Variants in MARCHF11 observed in about 807,000 individuals in gnomAD.
MARCHF11 encodes the protein membrane associated ring-CH-type finger 11, also known as E3 ubiquitin-protein ligase MARCHF11.
In MARCHF11, 29 loss-of-function variants were observed where a neutral mutation model predicts 37.3. The ratio of observed to expected loss-of-function variants is 0.78; its 90% CI spans 0.58 to 1.06. The LOEUF is 1.06. Ranked by LOEUF, MARCHF11 falls within the 50% of genes least tolerant of loss-of-function variation. The pLI is 0.00. For missense variants in MARCHF11, 482 were observed against 533.4 expected (o/e 0.90, Z 0.95); for synonymous variants, 233 against 228.0 (o/e 1.02, Z -0.20).
chr5:16,088,659 G>GA (rs557790301), intron 3 of MARCHF11, among the ~76,000 whole-genome samples: 14 of 152,026 alleles, frequency 9.2e-5, no homozygotes, highest in African/African-American at 2.7e-4. Context: ...ATTTACTGGG[G>GA]AAAAAAATTA....
chr5:16,113,732 A>C (rs1737185332), intron 2 of MARCHF11, among the ~76,000 whole-genome samples: 1 of 152,216 alleles, frequency 6.6e-6, no homozygotes, highest in Non-Finnish European at 1.5e-5. Context: ...TAATGAAGAA[A>C]TCATGATATT....
In MARCHF11 at chr5:16,129,676, C is replaced by G. The variant is rs540421666; in HGVS notation, c.694-38595G>C. 1.2e-4 allele frequency among the ~76,000 whole-genome samples: 18 copies of G among 152,202 alleles called. No homozygotes were observed. In the East Asian group the frequency reaches 3.1e-3, roughly 26 times the overall value. On this transcript the variant is annotated intron_variant, in intron 2 of 3. Coordinates refer to ENST00000332432, the MANE Select transcript of MARCHF11 (RefSeq NM_001102562.3). ...TTGAGTTTTAGCAACTCTAAAAAGG[C>G]TTTGTAAAAATTAACTGTAGGATGG...
In MARCHF11 at chr5:16,125,629, G is replaced by C. The variant is rs993841636; in HGVS notation, c.694-34548C>G. Among the ~76,000 whole-genome samples, 415 of 41,818 alleles carry C rather than the reference G, an allele frequency of 9.9e-3. 3 individuals are homozygous for C. The highest frequency in any genetic ancestry group is 0.053 in the African/African-American group (333 of 6,268). The allele number at this position is 41,818 out of a possible 152,430, so 27.4% of individuals were successfully genotyped here. A position where few individuals can be genotyped will look rare whatever the true frequency, so the allele number is the denominator to read the frequency against. ...ACCCTGGCACACTCTCTGTGTGTGTGTGTGTGTGTGTGTGTGTGTGTGTGT... is the reference window on the plus strand; with the variant it reads ...ACCCTGGCACACTCTCTGTGTGTGTCTGTGTGTGTGTGTGTGTGTGTGTGT... On this transcript the variant is annotated intron_variant, in intron 2 of 3. Coordinates refer to ENST00000332432, the MANE Select transcript of MARCHF11 (RefSeq NM_001102562.3).
chr5:16,136,209 CTAAA>C (rs1272549224), intron 2 of MARCHF11, among the ~76,000 whole-genome samples: 1 of 151,636 alleles, frequency 6.6e-6, no homozygotes, highest in Non-Finnish European at 1.5e-5. Context: ...ACAAATAGGA[CTAAA>C]TAAATAAACA....
At chr5:16,169,409 C>T (rs76771115) in intron 2 of MARCHF11, among the ~76,000 whole-genome samples, 5,608 of 152,092 alleles carry the variant, frequency 0.037, 149 homozygotes, top group Non-Finnish European at 0.055. Flanking sequence ...ATCCATTGTA[C>T]AGGTGTCATC....
At chr5:16,115,118 G>A (rs1427740684) in intron 2 of MARCHF11, among the ~76,000 whole-genome samples, 6 of 152,118 alleles carry the variant, frequency 3.9e-5, no homozygotes, top group Admixed American at 2.0e-4. Context: ...CATTTGTAAC[G>A]GAAGCTGAGG....
chr5:16,125,116 C>T lies in MARCHF11; in HGVS notation c.694-34035G>A, dbSNP rs1737380183. ...CAGACTCTTGGCAGTTGTGTGACAG[C>T]AAAGTGGTGTTTAAGCCATACATCG... On this transcript the variant is annotated intron_variant, in intron 2 of 3. Coordinates refer to ENST00000332432, the MANE Select transcript of MARCHF11 (RefSeq NM_001102562.3). Among the ~76,000 whole-genome samples, 2 of 151,386 alleles carry T rather than the reference C, an allele frequency of 1.3e-5. 1 individual carries two copies. Among genetic ancestry groups the T allele is most frequent in the South Asian group, 4.2e-4 (2 of 4,798 alleles).
intron 3 of MARCHF11, among the ~76,000 whole-genome samples, chr5:16,085,657 T>A (rs1394124426): frequency 6.6e-6 from 1 of 151,896 alleles, no homozygotes; most frequent in Non-Finnish European, 1.5e-5. Context: ...AAAATTTACA[T>A]AAGCTTATTA....
At chr5:16,089,301 T>C (rs1432075905) in intron 3 of MARCHF11, among the ~76,000 whole-genome samples, 1 of 152,162 alleles carries the variant, frequency 6.6e-6, no homozygotes, top group Non-Finnish European at 1.5e-5. Flanking sequence ...ATAAACACTG[T>C]CTTTGAATGT....
intron 3 of MARCHF11, among the ~76,000 whole-genome samples, chr5:16,072,491 G>GCTCT (rs557932082): frequency 7.0e-6 from 1 of 142,500 alleles, no homozygotes; most frequent in African/African-American, 2.7e-5. Flanking sequence ...AGACATCAGT[G>GCTCT]CTCTCTCTCT....
At chr5:16,171,286 C>T (rs543797309) in intron 2 of MARCHF11, among the ~76,000 whole-genome samples, 4 of 146,952 alleles carry the variant, frequency 2.7e-5, no homozygotes, top group South Asian at 2.2e-4. Context: ...AAGTTGCCAC[C>T]GTTTTCTAAA....
At chr5:16,152,831 T>C (rs1035778070) in intron 2 of MARCHF11, among the ~76,000 whole-genome samples, 1 of 152,050 alleles carries the variant, frequency 6.6e-6, no homozygotes, top group African/African-American at 2.4e-5. Context: ...TACTTATTAC[T>C]ATGATTAAGC....
rs114203145 is a variant in MARCHF11 at position 16,076,868 on chromosome 5, C to T, written c.887-9075G>A. Among the ~76,000 whole-genome samples the T allele has an allele frequency of 2.5e-3, 384 of 152,312 alleles. 4 individuals carry two copies. Among genetic ancestry groups the T allele is most frequent in the Admixed American group, 4.5e-3 (69 of 15,306 alleles). On this transcript the variant is annotated intron_variant, in intron 3 of 3. Transcript: ENST00000332432. Reference sequence around the variant, plus strand: ...GGCCAAAGCCAGTCATCACCGGTGTCTCCTCAGCCTGCGAAATGGCCAGTG... The same window carrying T: ...GGCCAAAGCCAGTCATCACCGGTGTTTCCTCAGCCTGCGAAATGGCCAGTG...
chr5:16,081,574 C>T (rs1282684046), intron 3 of MARCHF11, among the ~76,000 whole-genome samples: 1 of 152,186 alleles, frequency 6.6e-6, no homozygotes, highest in Non-Finnish European at 1.5e-5. Flanking sequence ...TCTATTTATA[C>T]CACTATCCCG....
At chr5:16,094,157 G>C (rs1303845616) in intron 2 of MARCHF11, among the ~76,000 whole-genome samples, 1 of 152,150 alleles carries the variant, frequency 6.6e-6, no homozygotes, top group Non-Finnish European at 1.5e-5. Context: ...TATATACGGT[G>C]CTTTCTTACA....
chr5:16,170,794 A>T (rs563513412), intron 2 of MARCHF11, among the ~76,000 whole-genome samples: 1 of 152,112 alleles, frequency 6.6e-6, no homozygotes, highest in Admixed American at 6.6e-5. Flanking sequence ...AAGCCCAGAA[A>T]CTCTAAGCAA....
chr5:16,179,608 G>T lies in MARCHF11; in HGVS notation c.-33C>A. 3 of 1,161,354 alleles carry T rather than the reference G, an allele frequency of 2.6e-6. No individual in the cohort carries two copies. The highest frequency in any genetic ancestry group is 3.2e-6 in the Non-Finnish European group (3 of 942,596). 71.9% of individuals were successfully genotyped at this position (1,161,354 alleles called of 1,614,324 possible). A position where few individuals can be genotyped will look rare whatever the true frequency, so the allele number is the denominator to read the frequency against. On this transcript the variant is annotated 5_prime_UTR_variant, in exon 1 of 4. Transcript: ENST00000332432. ...CCGCCGCCGCCCTCCTGCCGGCCCG[G>T]CTGGCGGGCCGGGCTCTGGCTGCAG...
intron 2 of MARCHF11, among the ~76,000 whole-genome samples, chr5:16,096,523 G>T (rs1431402050): frequency 6.6e-6 from 1 of 152,184 alleles, no homozygotes; most frequent in East Asian, 1.9e-4. Flanking sequence ...TGTGTGGGAG[G>T]TTCCGTGTTA....
At chr5:16,174,599 C>T (rs1738324769) in intron 2 of MARCHF11, among the ~76,000 whole-genome samples, 1 of 152,238 alleles carries the variant, frequency 6.6e-6, no homozygotes, top group Admixed American at 6.5e-5. Flanking sequence ...CCTCTGAGCA[C>T]AAGGAAATAC....
Sources: gnomAD v4.1 joint callset for allele counts (sites outside exome capture counted in the v4.1 genomes callset) on GRCh38, gnomAD v4.1.1 for gene constraint, MANE v1.5 for transcripts, NCBI Gene and HGNC (gene_info 2026-07-23, HGNC 2026-07-21) for gene names.